NCKAP5: variants seen among roughly 807,000 people sequenced by gnomAD.
NCKAP5 encodes nck-associated protein 5.
A neutral mutation model predicts 167.0 loss-of-function variants in NCKAP5; 92 were observed. The observed-to-expected ratio is 0.55, with a 90% CI of 0.47 to 0.66. The LOEUF (loss-of-function observed/expected upper bound fraction) is 0.66. Ranked by LOEUF, NCKAP5 falls within the 30% of genes least tolerant of loss-of-function variation. NCKAP5 has a pLI of 0.00. For missense variants in NCKAP5, 2,378 were observed against 2,315.0 expected (o/e 1.03, Z -0.56); for synonymous variants, 891 against 877.4 (o/e 1.02, Z -0.27).
chr2:133,298,860 G>A (rs998894027), intron 4 of NCKAP5, among the ~76,000 whole-genome samples: 1 of 151,930 alleles, frequency 6.6e-6, no homozygotes, highest in African/African-American at 2.4e-5. Context: ...TTAATACATT[G>A]GTTCACAAAA....
At chr2:133,616,832 G>A in the NCKAP5 span, among the ~76,000 whole-genome samples, 10 of 152,036 alleles carry the variant, frequency 6.6e-5, no homozygotes, top group African/African-American at 1.9e-4. Context: ...TACCAAAGCT[G>A]GGCAGAGACA....
chr2:133,646,101 T>C, the NCKAP5 span, among the ~76,000 whole-genome samples: 2 of 152,012 alleles, frequency 1.3e-5, no homozygotes, highest in Non-Finnish European at 2.9e-5. Context: ...TGTATAGGTA[T>C]ATAGGCATCT....
intron 2 of NCKAP5, among the ~76,000 whole-genome samples, chr2:133,539,990 C>T (rs370253520): frequency 2.6e-5 from 4 of 152,112 alleles, no homozygotes; most frequent in African/African-American, 9.7e-5. Context: ...ACCATCCTGG[C>T]TAACACAGTG....
chr2:133,631,693 A>G, the NCKAP5 span, among the ~76,000 whole-genome samples: 2 of 152,226 alleles, frequency 1.3e-5, no homozygotes, highest in East Asian at 3.9e-4. Context: ...CTCTAAGACT[A>G]GTATAGCTAA....
intron 8 of NCKAP5, among the ~76,000 whole-genome samples, chr2:132,893,663 A>G (rs2148879262): frequency 6.6e-6 from 1 of 152,316 alleles, no homozygotes; most frequent in African/African-American, 2.4e-5. Flanking sequence ...TCTTTCAAAA[A>G]GCAAGCAAAT....
intron 5 of NCKAP5, among the ~76,000 whole-genome samples, chr2:133,133,543 T>G (rs1022089727): frequency 5.3e-5 from 8 of 152,208 alleles, no homozygotes; most frequent in African/African-American, 1.9e-4. Context: ...AACTTGCCAG[T>G]CACAGGCTCT....
intron 5 of NCKAP5, among the ~76,000 whole-genome samples, chr2:133,193,888 C>T (rs2085331091): frequency 6.6e-6 from 1 of 151,744 alleles, no homozygotes; most frequent in Non-Finnish European, 1.5e-5. Context: ...TACAAAATAC[C>T]AACATATTTT....
At chr2:133,526,571 A>G (rs1195161682) in intron 2 of NCKAP5, among the ~76,000 whole-genome samples, 1 of 152,136 alleles carries the variant, frequency 6.6e-6, no homozygotes, top group Non-Finnish European at 1.5e-5. Context: ...TACATCTTCA[A>G]TGTATGAACT....
chr2:132,870,905 C>G (rs987746417), intron 9 of NCKAP5, among the ~76,000 whole-genome samples: 1 of 151,730 alleles, frequency 6.6e-6, no homozygotes, highest in African/African-American at 2.4e-5. Flanking sequence ...CAGTAAAAGA[C>G]TAAAATCAGA....
intron 16 of NCKAP5, among the ~76,000 whole-genome samples, chr2:132,773,012 C>G (rs1186793200): frequency 6.6e-6 from 1 of 152,214 alleles, no homozygotes; most frequent in Non-Finnish European, 1.5e-5. Flanking sequence ...GTATTCAGTA[C>G]TGTCTCCTAC....
intron 2 of NCKAP5, among the ~76,000 whole-genome samples, chr2:133,550,188 T>C (rs1687159990): frequency 7.0e-6 from 1 of 142,916 alleles, no homozygotes; most frequent in Non-Finnish European, 1.5e-5. Flanking sequence ...ACTGGTACCA[T>C]TCCTTCTGAA....
At chr2:133,121,061 CTT>C (rs2082235970) in intron 6 of NCKAP5, among the ~76,000 whole-genome samples, 1 of 152,020 alleles carries the variant, frequency 6.6e-6, no homozygotes, top group African/African-American at 2.4e-5. Context: ...ACCTTTAACT[CTT>C]TATTTAGATC....
At position 132,681,606 on chromosome 2, in the gene NCKAP5, A is replaced by T. The variant is rs113418686; in HGVS notation, c.5714-8301T>A. Among the ~76,000 whole-genome samples, 1,510 of 152,102 alleles carry T rather than the reference A, an allele frequency of 9.9e-3. 22 individuals are homozygous for T. The highest frequency in any genetic ancestry group is 0.033 in the African/African-American group (1,358 of 41,502). On this transcript the variant is annotated intron_variant, in intron 19 of 19. Coordinates refer to ENST00000409261, the MANE Select transcript of NCKAP5 (RefSeq NM_207363.3). ...TTTTTGTGTGGATCAGGTGAATATA[A>T]AAAAAGCTTATACTACTATTTTTCC...
chr2:133,450,416 TCATTC>T (rs993326200), intron 3 of NCKAP5, among the ~76,000 whole-genome samples: 2 of 152,202 alleles, frequency 1.3e-5, no homozygotes, highest in Non-Finnish European at 2.9e-5. Flanking sequence ...ATGACCTCCA[TCATTC>T]CATTAATGCG....
At chr2:133,362,655 A>T (rs1685189147) in intron 3 of NCKAP5, among the ~76,000 whole-genome samples, 1 of 152,210 alleles carries the variant, frequency 6.6e-6, no homozygotes, top group African/African-American at 2.4e-5. Context: ...GCTTCCTAAG[A>T]TAAACTCCCA....
intron 8 of NCKAP5, among the ~76,000 whole-genome samples, chr2:132,943,657 AC>A (rs1246444157): frequency 6.6e-6 from 1 of 152,176 alleles, no homozygotes; most frequent in Non-Finnish European, 1.5e-5. Context: ...CCTTTTCAAC[AC>A]ATCTGCAGCA....
At chr2:133,206,391 G>A (rs13393264) in intron 5 of NCKAP5, among the ~76,000 whole-genome samples, 11 of 151,976 alleles carry the variant, frequency 7.2e-5, no homozygotes, top group Non-Finnish European at 1.3e-4. Flanking sequence ...CTTTTATAAT[G>A]TCTTATGCCT....
chr2:133,518,500 G>T lies in NCKAP5; in HGVS notation c.-61-913C>A, dbSNP rs180933880. 2.7e-5 allele frequency among the ~76,000 whole-genome samples: 4 copies of T among 146,024 alleles called. No individual in the cohort carries two copies. In the South Asian group the frequency reaches 8.5e-4, roughly 31 times the overall value. On this transcript the variant is annotated intron_variant, in intron 2 of 19. Coordinates refer to ENST00000409261, the MANE Select transcript of NCKAP5 (RefSeq NM_207363.3). ...CTCCCGAGTAGCTGGGACTACAGGC[G>T]CCTGCCACCATGCCAGGCTGATTTT...
chr2:133,456,719 A>G (rs1474569792), intron 3 of NCKAP5, among the ~76,000 whole-genome samples: 1 of 152,186 alleles, frequency 6.6e-6, no homozygotes, highest in Admixed American at 6.6e-5. Context: ...TTATTTTTCC[A>G]TTAGTAACAA....
Sources: gnomAD v4.1 joint callset for allele counts (sites outside exome capture counted in the v4.1 genomes callset) on GRCh38, gnomAD v4.1.1 for gene constraint, MANE v1.5 for transcripts, NCBI Gene and HGNC (gene_info 2026-07-23, HGNC 2026-07-21) for gene names.